The following SLC35F4 variants were observed in gnomAD, a reference collection of about 807,000 sequenced individuals.
SLC35F4 encodes chromosome 14 open reading frame 36.
Under a neutral mutation model 44.2 loss-of-function variants are expected in SLC35F4, and 24 were observed. That is an observed-to-expected ratio of 0.54 (90% CI 0.39 to 0.76). The LOEUF is 0.76. Among genes scored for constraint, SLC35F4 ranks in the 30% least tolerant of loss-of-function variants. SLC35F4 has a pLI of 0.00. For synonymous variants in SLC35F4, 238 were observed against 223.6 expected, an observed-to-expected ratio of 1.06 and a Z score of -0.57; for missense variants, 562 against 586.1, an observed-to-expected ratio of 0.96 and a Z score of 0.42.
downstream of SLC35F4, among the ~76,000 whole-genome samples, chr14:57,973,619 T>C (rs192068052): frequency 3.4e-3 from 516 of 152,178 alleles, 3 homozygotes; most frequent in African/African-American, 0.012. Context: ...ACTTGGGACA[T>C]GGAGTTGGGA....
chr14:57,763,228 A>T (rs1378881700), intron 1 of SLC35F4, among the ~76,000 whole-genome samples: 1 of 152,258 alleles, frequency 6.6e-6, no homozygotes, highest in East Asian at 1.9e-4. Context: ...TTATACTTTG[A>T]TGATGCTTTC....
At chr14:57,922,029 G>A (rs940561694) in intron 1 of SLC35F4, among the ~76,000 whole-genome samples, 6 of 152,172 alleles carry the variant, frequency 3.9e-5, no homozygotes, top group Non-Finnish European at 7.3e-5. Context: ...GCCAATGGAG[G>A]AGGGCTGTAG....
At chr14:57,720,984 A>G (rs1458582474) in intron 1 of SLC35F4, among the ~76,000 whole-genome samples, 4 of 106,784 alleles carry the variant, frequency 3.7e-5, no homozygotes, top group Admixed American at 1.8e-4. Context: ...CTCCTCATAT[A>G]TATATATATA....
intron 1 of SLC35F4, among the ~76,000 whole-genome samples, chr14:57,669,313 A>G (rs1257797653): frequency 1.3e-5 from 2 of 151,828 alleles, no homozygotes; most frequent in East Asian, 1.9e-4. Context: ...CTAATTGAAT[A>G]CCCTTTATTT....
chr14:57,770,841 C>T (rs1051231927), intron 1 of SLC35F4, among the ~76,000 whole-genome samples: 1 of 152,130 alleles, frequency 6.6e-6, no homozygotes, highest in Non-Finnish European at 1.5e-5. Flanking sequence ...ATAGTACAAT[C>T]TTGGCTTTGC....
chr14:57,709,394 A>G (rs539642689), intron 1 of SLC35F4, among the ~76,000 whole-genome samples: 177 of 152,190 alleles, frequency 1.2e-3, no homozygotes, highest in African/African-American at 4.2e-3. Flanking sequence ...CTATCTCTGT[A>G]TGACCTGGTT....
At chr14:57,816,727 C>T (rs145478620) in intron 1 of SLC35F4, among the ~76,000 whole-genome samples, 545 of 152,296 alleles carry the variant, frequency 3.6e-3, no homozygotes, top group Non-Finnish European at 6.4e-3. Context: ...TAAGCAGAGT[C>T]AGCAATCTTT....
At chr14:57,838,629 AAG>A (rs1255846766) in intron 1 of SLC35F4, among the ~76,000 whole-genome samples, 1 of 152,212 alleles carries the variant, frequency 6.6e-6, no homozygotes, top group Non-Finnish European at 1.5e-5. Flanking sequence ...CAACAACAAT[AAG>A]AGACATGACA....
chr14:57,881,291 G>A (rs1232939754), intron 1 of SLC35F4, among the ~76,000 whole-genome samples: 1 of 152,054 alleles, frequency 6.6e-6, no homozygotes, highest in Non-Finnish European at 1.5e-5. Context: ...ATTTTCTCTG[G>A]AACTTTCAGA....
chr14:57,813,137 G>A (rs1329829980), intron 1 of SLC35F4, among the ~76,000 whole-genome samples: 2 of 152,156 alleles, frequency 1.3e-5, no homozygotes, highest in Non-Finnish European at 2.9e-5. Flanking sequence ...GTCCAACCCA[G>A]CAGTTAGATC....
chr14:57,600,959 G>A (rs1195879290), intron 1 of SLC35F4, among the ~76,000 whole-genome samples: 1 of 151,776 alleles, frequency 6.6e-6, no homozygotes, highest in Non-Finnish European at 1.5e-5. Flanking sequence ...CAGCTTGGTG[G>A]ATAGTCAATG....
intron 6 of SLC35F4, among the ~76,000 whole-genome samples, chr14:57,566,966 G>T (rs1302411253): frequency 6.6e-6 from 1 of 152,178 alleles, no homozygotes; most frequent in Non-Finnish European, 1.5e-5. Context: ...ACATTAAATG[G>T]CTCTAGTGTT....
intron 1 of SLC35F4, among the ~76,000 whole-genome samples, chr14:57,702,341 A>C (rs111265355): frequency 0.22 from 33,671 of 150,654 alleles, 3,846 homozygotes; most frequent in East Asian, 0.29. Context: ...TAAAAAAAAA[A>C]AAAAAAAAAG....
chr14:57,782,721 G>A (rs548902576), intron 1 of SLC35F4, among the ~76,000 whole-genome samples: 2 of 152,274 alleles, frequency 1.3e-5, no homozygotes, highest in Admixed American at 6.5e-5. Context: ...AGTAAATTGT[G>A]TATGACAGTA....
intron 1 of SLC35F4, among the ~76,000 whole-genome samples, chr14:57,862,664 T>A (rs1183567750): frequency 6.6e-6 from 1 of 152,254 alleles, no homozygotes; most frequent in Non-Finnish European, 1.5e-5. Context: ...TCCATATGGC[T>A]AACTCCCTCA....
chr14:57,748,357 C>T (rs1363410194), intron 1 of SLC35F4, among the ~76,000 whole-genome samples: 1 of 152,056 alleles, frequency 6.6e-6, no homozygotes, highest in Non-Finnish European at 1.5e-5. Context: ...CATATATTTA[C>T]CGCCACAGTC....
chr14:57,662,747 G>T (rs894573057), intron 1 of SLC35F4, among the ~76,000 whole-genome samples: 2 of 152,174 alleles, frequency 1.3e-5, no homozygotes, highest in African/African-American at 4.8e-5. Context: ...CTAAGAGTTT[G>T]CAAGGTGTGC....
intron 1 of SLC35F4, among the ~76,000 whole-genome samples, chr14:57,738,632 A>G (rs534594676): frequency 1.5e-4 from 23 of 151,850 alleles, no homozygotes; most frequent in African/African-American, 5.3e-4. Context: ...TTTTCAGCCA[A>G]ATTAACTTGC....
intron 1 of SLC35F4, among the ~76,000 whole-genome samples, chr14:57,605,276 T>C (rs1057183146): frequency 3.3e-5 from 5 of 151,640 alleles, no homozygotes; most frequent in African/African-American, 4.8e-5. Context: ...GCAAATAACC[T>C]CATAAAAGAT....
Sources: gnomAD v4.1 joint callset for allele counts (sites outside exome capture counted in the v4.1 genomes callset) on GRCh38, gnomAD v4.1.1 for gene constraint, MANE v1.5 for transcripts, NCBI Gene and HGNC (gene_info 2026-07-23, HGNC 2026-07-21) for gene names.